Variants in MARCHF1 observed in about 807,000 individuals in gnomAD.
MARCHF1 encodes the protein E3 ubiquitin-protein ligase MARCHF1.
Under a neutral mutation model 54.2 loss-of-function variants are expected in MARCHF1, and 40 were observed. That is an observed-to-expected ratio of 0.74 (90% CI 0.57 to 0.96). The LOEUF is 0.96. MARCHF1 is among the 40% of genes least tolerant of loss of function. MARCHF1 has a pLI of 0.00. For missense variants in MARCHF1, 586 were observed against 656.5 expected (o/e 0.89, Z 1.17); for synonymous variants, 236 against 236.3 (o/e 1.00, Z 0.01).
chr4:164,199,249 A>G (rs1731369767), intron 1 of MARCHF1, among the ~76,000 whole-genome samples: 1 of 152,194 alleles, frequency 6.6e-6, no homozygotes, highest in Admixed American at 6.5e-5. Flanking sequence ...CAAACCTTCA[A>G]CATTTTCTTT....
At chr4:164,197,558 C>T (rs754003794) in intron 1 of MARCHF1, 4 of 1,613,190 alleles carry the variant, frequency 2.5e-6, no homozygotes, top group African/African-American at 2.7e-5. Context: ...GTGAGGCCTC[C>T]GTTGATTTTA....
At chr4:163,531,633 GAAT>G in intron 9 of MARCHF1, among the ~76,000 whole-genome samples, 1 of 151,502 alleles carries the variant, frequency 6.6e-6, no homozygotes, top group South Asian at 2.1e-4. Flanking sequence ...GATTGAGAAA[GAAT>G]AAATAAAACT....
At chr4:163,857,130 A>C (rs911600837) in intron 3 of MARCHF1, among the ~76,000 whole-genome samples, 8 of 150,686 alleles carry the variant, frequency 5.3e-5, no homozygotes, top group African/African-American at 1.7e-4. Context: ...ACAAGGAAAG[A>C]CCGTTGCCTT....
chr4:163,798,828 G>A (rs1258941711), intron 4 of MARCHF1, among the ~76,000 whole-genome samples: 1 of 152,076 alleles, frequency 6.6e-6, no homozygotes, highest in African/African-American at 2.4e-5. Flanking sequence ...AGTACAAAGA[G>A]TAGGCACATC....
In MARCHF1 at chr4:163,859,606, C is replaced by T. The variant is rs892619982; in HGVS notation, c.-38-5437G>A. ...GAACTCCTAACCTCAGGTGATCCAC[C>T]TGCTTCGGCCTCCCAAAGTGCTGGG... On this transcript the variant is annotated intron_variant, in intron 3 of 9. Coordinates refer to ENST00000514618, the MANE Select transcript of MARCHF1 (RefSeq NM_001394959.1). Among the ~76,000 whole-genome samples, 70 of 152,244 alleles carry T rather than the reference C, an allele frequency of 4.6e-4. 1 individual carries two copies. The highest frequency in any genetic ancestry group is 1.7e-3 in the African/African-American group (69 of 41,556).
At chr4:163,535,481 T>G (rs1265424589) in intron 9 of MARCHF1, among the ~76,000 whole-genome samples, 4 of 152,148 alleles carry the variant, frequency 2.6e-5, no homozygotes, top group Admixed American at 2.0e-4. Flanking sequence ...GTGTATTGCA[T>G]GGAAATAGCA....
At position 164,365,099 on chromosome 4, in the gene MARCHF1, C is replaced by T. The variant is rs553221302; in HGVS notation, c.-323+18771G>A. Among the ~76,000 whole-genome samples, 24 of 151,926 alleles carry T rather than the reference C, an allele frequency of 1.6e-4. No individual in the cohort carries two copies. The South Asian group carries it at 1.9e-3, about 12-fold the overall frequency. On this transcript the variant is annotated intron_variant, in intron 1 of 9. Transcript: ENST00000514618. ...GCTGATTACTATGTCTTCATCATTCCCTGCCACGAATAGAGTAACAGATTC... is the reference window on the plus strand; with the variant it reads ...GCTGATTACTATGTCTTCATCATTCTCTGCCACGAATAGAGTAACAGATTC...
At chr4:164,271,206 CA>C (rs1733739325) in intron 1 of MARCHF1, among the ~76,000 whole-genome samples, 1 of 152,128 alleles carries the variant, frequency 6.6e-6, no homozygotes, top group Non-Finnish European at 1.5e-5. Context: ...GAATATGTTA[CA>C]CTGAATGGCA....
intron 5 of MARCHF1, 151 bp downstream of exon 5, chr4:163,700,662 T>C: frequency 1.7e-6 from 1 of 586,120 alleles, no homozygotes; most frequent in Non-Finnish European, 3.0e-6. Context: ...TGTCTTCTTA[T>C]TACAGTAAAA....
At chr4:164,232,277 T>C (rs1349416055) in intron 1 of MARCHF1, among the ~76,000 whole-genome samples, 1 of 152,156 alleles carries the variant, frequency 6.6e-6, no homozygotes, top group Non-Finnish European at 1.5e-5. Flanking sequence ...TTTATGCCCA[T>C]TACTAGAAAA....
At chr4:163,537,005 T>A (rs1439744659) in intron 9 of MARCHF1, among the ~76,000 whole-genome samples, 1 of 152,112 alleles carries the variant, frequency 6.6e-6, no homozygotes, top group East Asian at 1.9e-4. Context: ...ACAGACAGCC[T>A]GCTCTTTTGC....
At chr4:164,350,474 T>C (rs1167188789) in intron 1 of MARCHF1, among the ~76,000 whole-genome samples, 1 of 152,192 alleles carries the variant, frequency 6.6e-6, no homozygotes, top group Non-Finnish European at 1.5e-5. Flanking sequence ...ATTTATTGTA[T>C]ATTTCCAAAA....
intron 1 of MARCHF1, among the ~76,000 whole-genome samples, chr4:164,382,933 T>A (rs7692612): frequency 0.88 from 133,825 of 152,220 alleles, 58,917 homozygotes; most frequent in East Asian, 0.98. Flanking sequence ...TGAATAACAA[T>A]AAGAATTGCC....
Position 164,327,003 on chromosome 4 carries a change from G to T in MARCHF1, c.-323+56867C>A, listed in dbSNP as rs1298932413. ...TGTGTGTGTGTGTGTGTGTGTGTATGACTTAGAACAATCACTGGCAACATG... is the reference window on the plus strand; with the variant it reads ...TGTGTGTGTGTGTGTGTGTGTGTATTACTTAGAACAATCACTGGCAACATG... On this transcript the variant is annotated intron_variant, in intron 1 of 9. Coordinates refer to ENST00000514618, the MANE Select transcript of MARCHF1 (RefSeq NM_001394959.1). Among the ~76,000 whole-genome samples, 3 of 149,656 alleles carry T rather than the reference G, an allele frequency of 2.0e-5. 1 individual carries two copies. In the Admixed American group the frequency reaches 2.0e-4, roughly 10 times the overall value.
At chr4:163,560,243 G>A (rs1739425506) in intron 8 of MARCHF1, among the ~76,000 whole-genome samples, 3 of 152,032 alleles carry the variant, frequency 2.0e-5, no homozygotes, top group South Asian at 2.1e-4. Flanking sequence ...GTTGATTTTT[G>A]TATATGGTGT....
intron 3 of MARCHF1, among the ~76,000 whole-genome samples, chr4:163,858,133 C>A (rs1224695995): frequency 6.6e-6 from 1 of 151,708 alleles, no homozygotes; most frequent in Non-Finnish European, 1.5e-5. Flanking sequence ...ACATTGCAAT[C>A]CATGTAAATG....
chr4:163,917,471 G>A (rs766307882), intron 3 of MARCHF1, among the ~76,000 whole-genome samples: 10 of 152,110 alleles, frequency 6.6e-5, no homozygotes, highest in Non-Finnish European at 1.3e-4. Flanking sequence ...GATGTGTAGT[G>A]GCATCTCATA....
chr4:163,760,395 G>GT (rs1171449920), intron 4 of MARCHF1, among the ~76,000 whole-genome samples: 3 of 152,148 alleles, frequency 2.0e-5, no homozygotes, highest in Non-Finnish European at 2.9e-5. Flanking sequence ...ACAGTCACAA[G>GT]TTTTACGGAT....
At chr4:163,989,165 C>T (rs757146631) in intron 2 of MARCHF1, among the ~76,000 whole-genome samples, 2 of 152,112 alleles carry the variant, frequency 1.3e-5, no homozygotes, top group Non-Finnish European at 2.9e-5. Context: ...TATTTGGAGC[C>T]AAATCTCTTC....
Sources: allele counts gnomAD v4.1 joint callset (sites outside exome capture counted in the v4.1 genomes callset), GRCh38; gene constraint gnomAD v4.1.1; transcripts MANE v1.5; gene names NCBI Gene and HGNC (gene_info 2026-07-23, HGNC 2026-07-21).